RGS7BP: variants seen among roughly 807,000 people sequenced by gnomAD.
The protein encoded by RGS7BP is regulator of G protein signaling 7 binding protein, also known as regulator of G protein signaling 7-binding protein.
A neutral mutation model predicts 31.3 loss-of-function variants in RGS7BP; 9 were observed. That is an observed-to-expected ratio of 0.29 (90% CI 0.17 to 0.50). The LOEUF (loss-of-function observed/expected upper bound fraction) is 0.50. Ranked by LOEUF, RGS7BP falls within the 20% of genes least tolerant of loss-of-function variation. RGS7BP has a pLI of 0.98. For synonymous variants in RGS7BP, 115 were observed against 120.1 expected (o/e 0.96, Z 0.28); for missense variants, 274 against 322.0 (o/e 0.85, Z 1.14).
At chr5:64,553,071 T>C (rs1488036411) in intron 2 of RGS7BP, among the ~76,000 whole-genome samples, 1 of 152,178 alleles carries the variant, frequency 6.6e-6, no homozygotes, top group African/African-American at 2.4e-5. Flanking sequence ...TCTAGTATTC[T>C]TGTTTTTTAG....
At chr5:64,556,501 G>A (rs1230478253) in intron 2 of RGS7BP, among the ~76,000 whole-genome samples, 2 of 148,054 alleles carry the variant, frequency 1.4e-5, no homozygotes, top group South Asian at 2.1e-4. Context: ...AAAAGAAAAT[G>A]TCCAGATGGT....
chr5:64,600,512 GTAA>G (rs577394688), intron 5 of RGS7BP, among the ~76,000 whole-genome samples: 121 of 152,144 alleles, frequency 8.0e-4, no homozygotes, highest in African/African-American at 2.8e-3. Flanking sequence ...ATTTTTAAAT[GTAA>G]TAATAATAAT....
chr5:64,538,153 T>C (rs1741420650), intron 2 of RGS7BP, among the ~76,000 whole-genome samples: 1 of 152,224 alleles, frequency 6.6e-6, no homozygotes. Context: ...AAGATATGAA[T>C]GCTTTTATAA....
chr5:64,592,369 C>A (rs545791291), intron 3 of RGS7BP, among the ~76,000 whole-genome samples: 4 of 152,248 alleles, frequency 2.6e-5, no homozygotes, highest in African/African-American at 7.2e-5. Flanking sequence ...TAGGTTATTA[C>A]CTGCCTTTAC....
At chr5:64,547,097 T>C (rs1178378286) in intron 2 of RGS7BP, among the ~76,000 whole-genome samples, 2 of 152,242 alleles carry the variant, frequency 1.3e-5, no homozygotes, top group Non-Finnish European at 2.9e-5. Flanking sequence ...TATTACTGTA[T>C]TTCATTGTAT....
intron 5 of RGS7BP, among the ~76,000 whole-genome samples, chr5:64,599,513 T>G: frequency 6.6e-6 from 1 of 151,396 alleles, no homozygotes; most frequent in South Asian, 2.1e-4. Context: ...GGCTGAGGAG[T>G]AGTGTGGCCT....
intron 2 of RGS7BP, among the ~76,000 whole-genome samples, chr5:64,542,823 A>G (rs1741558902): frequency 6.6e-6 from 1 of 152,248 alleles, no homozygotes; most frequent in Non-Finnish European, 1.5e-5. Flanking sequence ...ATGGGCAAAT[A>G]AGTAAATACG....
In RGS7BP at chr5:64,507,802, C is replaced by T; in HGVS notation, c.257C>T (p.Ala86Val). The change falls in exon 2 of 6, where the codon GCG becomes GTG. Residue 86 changes from alanine (A) to valine (V), a missense_variant. Ala to Val is a moderately conservative substitution (Grantham distance 64). Transcript: ENST00000334025. The stretch of plus-strand genomic sequence containing the variant: ...TCGGTCAGCTGCCCCTCACTCCGGG[C>T]GGAAATGCACAAGACAAGAACCAAA... ...DVSVSCPSLR[A>V]EMHKTRTKGC... 8 of 1,613,734 alleles carry T rather than the reference C, an allele frequency of 5.0e-6. No individual in the cohort carries two copies. Among genetic ancestry groups the T allele is most frequent in the African/African-American group, 4.0e-5 (3 of 74,926 alleles).
At chr5:64,549,554 CT>C (rs1194290352) in intron 2 of RGS7BP, among the ~76,000 whole-genome samples, 1 of 152,172 alleles carries the variant, frequency 6.6e-6, no homozygotes, top group Non-Finnish European at 1.5e-5. Flanking sequence ...ATTTTTTCTT[CT>C]TCTTGAAGAA....
At chr5:64,598,280 T>C in intron 4 of RGS7BP, 85 bp from the exon 5 acceptor site, 1 of 791,998 alleles carries the variant, frequency 1.3e-6, no homozygotes, top group East Asian at 2.5e-5. Flanking sequence ...ACCCTCATCT[T>C]TCAGTTGTCT....
In RGS7BP at chr5:64,557,174, A is replaced by G. The variant is rs185280891; in HGVS notation, c.333-18600A>G. Reference sequence around the variant, plus strand: ...AAGAAAATACTTCCTGCTCACCTAAATTCTTGGGAAAGAATGGGCTGTATT... The same window carrying G: ...AAGAAAATACTTCCTGCTCACCTAAGTTCTTGGGAAAGAATGGGCTGTATT... On this transcript the variant is annotated intron_variant, in intron 2 of 5. Transcript: ENST00000334025. Among the ~76,000 whole-genome samples, 571 of 152,264 alleles carry G rather than the reference A, an allele frequency of 3.8e-3. 1 individual carries two copies. The highest frequency in any genetic ancestry group is 0.027 in the Middle Eastern group (8 of 294).
chr5:64,599,447 T>C (rs1351696668), intron 5 of RGS7BP, among the ~76,000 whole-genome samples: 14 of 152,184 alleles, frequency 9.2e-5, no homozygotes, highest in Admixed American at 3.9e-4. Flanking sequence ...TCCTCTTGGC[T>C]CCAGGAGCAG....
At chr5:64,605,886 A>G (rs1268078812) in intron 5 of RGS7BP, among the ~76,000 whole-genome samples, 1 of 149,126 alleles carries the variant, frequency 6.7e-6, no homozygotes, top group Non-Finnish European at 1.5e-5. Context: ...TAATGTGTAT[A>G]TATATGCTAT....
intron 5 of RGS7BP, among the ~76,000 whole-genome samples, chr5:64,603,832 T>G (rs1287340790): frequency 6.6e-6 from 1 of 151,998 alleles, no homozygotes; most frequent in African/African-American, 2.4e-5. Context: ...GGTGGGAAGA[T>G]GGGATTGGAT....
chr5:64,562,130 A>G (rs1010166475), intron 2 of RGS7BP, among the ~76,000 whole-genome samples: 1 of 152,172 alleles, frequency 6.6e-6, no homozygotes, highest in African/African-American at 2.4e-5. Context: ...TCAAATGAAA[A>G]CAACATAGGA....
intron 2 of RGS7BP, among the ~76,000 whole-genome samples, chr5:64,515,130 A>G (rs978371640): frequency 2.8e-4 from 42 of 152,194 alleles, no homozygotes; most frequent in African/African-American, 1.0e-3. Flanking sequence ...CAATGATGAT[A>G]TATTTGTCTT....
At chr5:64,601,792 G>A (rs1399537147) in intron 5 of RGS7BP, among the ~76,000 whole-genome samples, 3 of 152,146 alleles carry the variant, frequency 2.0e-5, no homozygotes, top group Non-Finnish European at 4.4e-5. Flanking sequence ...GCAAGGTTAC[G>A]GACAGAGGCT....
At position 64,594,807 on chromosome 5, in the gene RGS7BP, T is replaced by G; in HGVS notation, c.561T>G (p.Asp187Glu). The change falls in exon 4 of 6, where the codon GAT becomes GAG. Residue 187 changes from aspartate (D) to glutamate (E), a missense_variant. Transcript: ENST00000334025. ...AAGACTCCTCATCATCCCCCGTAGA[T>G]AGTCAGCAACATTCCTGGCAGGTTT... ...ALEDSSSSPVDSQQHSWQVST... is the reference protein window; with the variant it reads ...ALEDSSSSPVESQQHSWQVST... 1.2e-6 allele frequency: 2 copies of G among 1,613,824 alleles called. No individual in the cohort carries two copies. The highest frequency in any genetic ancestry group is 2.2e-5 in the South Asian group (2 of 91,062).
At chr5:64,603,809 T>C (rs1404506340) in intron 5 of RGS7BP, among the ~76,000 whole-genome samples, 1 of 151,872 alleles carries the variant, frequency 6.6e-6, no homozygotes, top group Non-Finnish European at 1.5e-5. Context: ...TTATAAAGAG[T>C]TGCTTACAGA....
Sources: allele counts gnomAD v4.1 joint callset (sites outside exome capture counted in the v4.1 genomes callset), GRCh38; gene constraint gnomAD v4.1.1; transcripts MANE v1.5; gene names NCBI Gene and HGNC (gene_info 2026-07-23, HGNC 2026-07-21).